Variants in SH3GL2 observed in about 807,000 individuals in gnomAD.
The protein encoded by SH3GL2 is endophilin-A1.
A neutral mutation model predicts 46.0 loss-of-function variants in SH3GL2; 24 were observed. The observed-to-expected ratio is 0.52, with a 90% CI of 0.38 to 0.73. SH3GL2 has a LOEUF of 0.73. Among genes scored for constraint, SH3GL2 ranks in the 30% least tolerant of loss-of-function variants. SH3GL2 has a pLI of 0.00. For synonymous variants in SH3GL2, 196 were observed against 147.1 expected, an observed-to-expected ratio of 1.33 and a Z score of -2.40; for missense variants, 413 against 424.2, an observed-to-expected ratio of 0.97 and a Z score of 0.23.
chr9:17,719,830 C>A (rs1160646559), intron 1 of SH3GL2, among the ~76,000 whole-genome samples: 1 of 149,400 alleles, frequency 6.7e-6, no homozygotes, highest in East Asian at 2.0e-4. Flanking sequence ...CCTTGTGCTA[C>A]TGGTATTTAA....
intron 2 of SH3GL2, 124 bp downstream of exon 2, chr9:17,747,258 A>G: frequency 1.7e-6 from 1 of 576,182 alleles, no homozygotes; most frequent in Non-Finnish European, 3.1e-6. Flanking sequence ...ACATTTTGTT[A>G]TTTAAAACTA....
chr9:17,614,657 A>G (rs1359065860), intron 1 of SH3GL2, among the ~76,000 whole-genome samples: 1 of 152,166 alleles, frequency 6.6e-6, no homozygotes, highest in Non-Finnish European at 1.5e-5. Context: ...GCTGTATATT[A>G]CTACTGTTGT....
At chr9:17,676,712 T>C (rs1309094221) in intron 1 of SH3GL2, among the ~76,000 whole-genome samples, 1 of 152,206 alleles carries the variant, frequency 6.6e-6, no homozygotes, top group Non-Finnish European at 1.5e-5. Flanking sequence ...AGCCTCAATA[T>C]AGTTTTCACA....
intron 1 of SH3GL2, among the ~76,000 whole-genome samples, chr9:17,657,365 T>G (rs7866898): frequency 0.55 from 84,313 of 151,954 alleles, 24,712 homozygotes; most frequent in African/African-American, 0.73. Flanking sequence ...GAGAGATTTG[T>G]GGGCAGGTTG....
intron 1 of SH3GL2, among the ~76,000 whole-genome samples, chr9:17,619,689 A>AT (rs1554630693): frequency 1.3e-5 from 2 of 148,910 alleles, no homozygotes; most frequent in African/African-American, 5.1e-5. Context: ...AAAAAAAAAT[A>AT]AAATAAAATA....
chr9:17,618,668 A>C (rs528299975), intron 1 of SH3GL2, among the ~76,000 whole-genome samples: 1 of 152,252 alleles, frequency 6.6e-6, no homozygotes, highest in South Asian at 2.1e-4. Flanking sequence ...TTTAGTAAAT[A>C]TGCTGTATCA....
intron 1 of SH3GL2, among the ~76,000 whole-genome samples, chr9:17,687,730 A>T (rs1478193870): frequency 6.6e-6 from 1 of 152,088 alleles, no homozygotes; most frequent in African/African-American, 2.4e-5. Context: ...TGCCCCCCGA[A>T]AACATTATTT....
intron 1 of SH3GL2, among the ~76,000 whole-genome samples, chr9:17,581,895 A>G (rs1156418314): frequency 1.3e-5 from 2 of 152,080 alleles, no homozygotes; most frequent in Non-Finnish European, 2.9e-5. Flanking sequence ...GACAGGGTTT[A>G]GCCATGTTAA....
At chr9:17,616,623 A>G (rs1388970251) in intron 1 of SH3GL2, among the ~76,000 whole-genome samples, 2 of 152,190 alleles carry the variant, frequency 1.3e-5, no homozygotes, top group East Asian at 3.9e-4. Context: ...TTTTGAAATC[A>G]TGCAGGGGAA....
intron 1 of SH3GL2, among the ~76,000 whole-genome samples, chr9:17,683,744 C>T (rs972114052): frequency 6.6e-6 from 1 of 152,004 alleles, no homozygotes; most frequent in African/African-American, 2.4e-5. Context: ...AAAGACCTCC[C>T]TAAGGTACAG....
intron 1 of SH3GL2, among the ~76,000 whole-genome samples, chr9:17,588,248 G>A (rs906345645): frequency 1.3e-5 from 2 of 151,862 alleles, no homozygotes; most frequent in African/African-American, 4.9e-5. Context: ...CATAAGCCAG[G>A]CCTGGAAGAG....
chr9:17,722,019 C>T (rs1821906780), intron 1 of SH3GL2, among the ~76,000 whole-genome samples: 1 of 152,062 alleles, frequency 6.6e-6, no homozygotes, highest in South Asian at 2.1e-4. Context: ...ATTTTCATCA[C>T]AGTAGCGAAG....
At chr9:17,648,348 T>C (rs1819876894) in intron 1 of SH3GL2, among the ~76,000 whole-genome samples, 1 of 152,158 alleles carries the variant, frequency 6.6e-6, no homozygotes, top group African/African-American at 2.4e-5. Flanking sequence ...TTAACGCTGT[T>C]AGGTAGCCAG....
chr9:17,594,413 T>A (rs1743491395), intron 1 of SH3GL2, among the ~76,000 whole-genome samples: 2 of 151,668 alleles, frequency 1.3e-5, no homozygotes, highest in African/African-American at 4.9e-5. Flanking sequence ...CCTCATTTAG[T>A]GTGGGTTAAA....
chr9:17,756,219 C>T (rs190375540), intron 2 of SH3GL2, among the ~76,000 whole-genome samples: 150 of 152,114 alleles, frequency 9.9e-4, no homozygotes, highest in African/African-American at 3.3e-3. Flanking sequence ...AGTCTCATTT[C>T]AAATTTTTTC....
chr9:17,670,663 T>G (rs1431061714), intron 1 of SH3GL2, among the ~76,000 whole-genome samples: 3 of 152,242 alleles, frequency 2.0e-5, no homozygotes, highest in Non-Finnish European at 4.4e-5. Context: ...CTATCTTTAG[T>G]CCAACTTGGC....
chr9:17,782,675 C>A (rs955364360), intron 3 of SH3GL2, among the ~76,000 whole-genome samples: 1 of 152,112 alleles, frequency 6.6e-6, no homozygotes, highest in African/African-American at 2.4e-5. Context: ...AGTGCCATTC[C>A]AAAGCACAGT....
intron 1 of SH3GL2, among the ~76,000 whole-genome samples, chr9:17,690,044 G>A (rs1012509684): frequency 2.6e-5 from 4 of 152,124 alleles, no homozygotes; most frequent in East Asian, 1.9e-4. Flanking sequence ...ATGCTTAACC[G>A]CACATTCTGT....
intron 3 of SH3GL2, among the ~76,000 whole-genome samples, chr9:17,782,180 T>G (rs1053594129): frequency 6.6e-6 from 1 of 152,192 alleles, no homozygotes; most frequent in East Asian, 1.9e-4. Context: ...CATAATTGTT[T>G]CCAGTGTAAC....
Sources: allele counts gnomAD v4.1 joint callset (sites outside exome capture counted in the v4.1 genomes callset), GRCh38; gene constraint gnomAD v4.1.1; transcripts MANE v1.5; gene names NCBI Gene and HGNC (gene_info 2026-07-23, HGNC 2026-07-21).